The following C8A variants were observed in gnomAD, a reference collection of about 807,000 sequenced individuals.
The protein encoded by C8A is complement component C8 alpha chain.
C8A carries 67 observed loss-of-function variants against 65.3 expected under a neutral mutation model. The ratio of observed to expected loss-of-function variants is 1.03; its 90% CI spans 0.84 to 1.26. The LOEUF (loss-of-function observed/expected upper bound fraction) is 1.26. C8A is among the 50% of genes most tolerant of loss of function. The probability of loss-of-function intolerance (pLI) is 0.00; values close to 1 mark genes in which losing one functional copy is unlikely to be tolerated. For missense variants in C8A, 781 were observed against 723.9 expected (o/e 1.08, Z -0.90); for synonymous variants, 290 against 259.4 (o/e 1.12, Z -1.13).
chr1:56,874,833 C>G (rs1362924245), intron 2 of C8A, 116 bp from the exon 3 acceptor site: 1 of 1,113,872 alleles, frequency 9.0e-7, no homozygotes, highest in African/African-American at 1.5e-5. Context: ...GCTTCACAGG[C>G]AGGTCTCAAT....
At chr1:56,913,025 G>A (rs1741986) in intron 10 of C8A, among the ~76,000 whole-genome samples, 15,595 of 152,174 alleles carry the variant, frequency 0.1, 1,250 homozygotes, top group African/African-American at 0.22. Flanking sequence ...CCAGAGACTG[G>A]GGGAGTATGT....
At chr1:56,915,093 T>C (rs983020654) in intron 10 of C8A, among the ~76,000 whole-genome samples, 9 of 152,206 alleles carry the variant, frequency 5.9e-5, no homozygotes, top group African/African-American at 2.2e-4. Context: ...ACACTTGTGG[T>C]AGGCTGTATT....
rs1644480774 is a variant in C8A at position 56,908,096 on chromosome 1, GT to G, written c.1365del (p.Val456LeufsTer36). On this transcript the variant is annotated frameshift_variant, in exon 9 of 11. Coordinates refer to ENST00000361249, the MANE Select transcript of C8A (RefSeq NM_000562.3). LOFTEE classifies it high-confidence loss of function. ...GGGGAGGTCATTAAAGTATAATCCT[GT>G]TGTTATCGATTTTGAGGTAAGTCTT... ...SWGRSLKYNP[V>X]VIDFEMQPIH... 6.2e-7 allele frequency: 1 copy of G among 1,613,952 alleles called. No homozygotes were observed. Among genetic ancestry groups the G allele is most frequent in the South Asian group, 1.1e-5 (1 of 91,076 alleles).
At chr1:56,876,262 C>G (rs1302410277) in intron 4 of C8A, 53 bp downstream of exon 4, 2 of 1,607,920 alleles carry the variant, frequency 1.2e-6, no homozygotes. Flanking sequence ...TGTCTTCAAT[C>G]GTGAGCATTA....
chr1:56,908,645 C>A (rs1254606214), intron 9 of C8A, among the ~76,000 whole-genome samples: 1 of 152,206 alleles, frequency 6.6e-6, no homozygotes, highest in African/African-American at 2.4e-5. Flanking sequence ...TGGACCCAGG[C>A]TGCAATTTGC....
chr1:56,860,209 C>T lies in C8A; in HGVS notation c.77+5231C>T, dbSNP rs182720359. On this transcript the variant is annotated intron_variant, in intron 1 of 10. Transcript: ENST00000361249. ...GGCATTTAAACTGAGATGTGAAGGG[C>T]GGTAGTGAGAAGCCGGGTGAAGAGC... is the stretch of plus-strand genomic sequence containing the variant. Among the ~76,000 whole-genome samples the T allele has an allele frequency of 2.0e-3, 310 of 152,092 alleles. 1 individual carries two copies. Among genetic ancestry groups the T allele is most frequent in the African/African-American group, 7.3e-3 (301 of 41,490 alleles).
At chr1:56,896,224 TG>T (rs1230845024) in intron 7 of C8A, among the ~76,000 whole-genome samples, 1 of 152,120 alleles carries the variant, frequency 6.6e-6, no homozygotes, top group Non-Finnish European at 1.5e-5. Flanking sequence ...TTATATAAAA[TG>T]TATATATAAT....
chr1:56,916,719 T>A (rs1261700164), intron 10 of C8A, among the ~76,000 whole-genome samples: 7 of 152,098 alleles, frequency 4.6e-5, no homozygotes, highest in African/African-American at 7.2e-5. Flanking sequence ...AAAATGAAAT[T>A]GTGATGAAAA....
chr1:56,891,866 C>T (rs1452636692), intron 7 of C8A, among the ~76,000 whole-genome samples: 1 of 152,074 alleles, frequency 6.6e-6, no homozygotes, highest in Admixed American at 6.6e-5. Context: ...AATATACATA[C>T]ATATTTAAGT....
At chr1:56,881,728 T>G in intron 5 of C8A, 94 bp downstream of exon 5, 1 of 1,234,098 alleles carries the variant, frequency 8.1e-7, no homozygotes, top group East Asian at 2.4e-5. Flanking sequence ...TGGAAGCTTT[T>G]GTTTTCTATA....
Position 56,906,714 on chromosome 1 carries a change from A to C in C8A, c.1144A>C (p.Ile382Leu), listed in dbSNP as rs769355071. The C allele has an allele frequency of 6.2e-7, 1 of 1,614,074 alleles. No individual in the cohort carries two copies. The highest frequency in any genetic ancestry group is 2.2e-5 in the East Asian group (1 of 44,862). Residue 382 changes from isoleucine to leucine, a missense_variant, in exon 8 of 11, where the codon ATT (isoleucine) becomes CTT (leucine). Coordinates refer to ENST00000361249, the MANE Select transcript of C8A (RefSeq NM_000562.3). ...ITTCFGGSLG[I>L]QYEDKINVGG... The stretch of plus-strand genomic sequence containing the variant: ...GACATGTTTTGGAGGCTCCTTGGGC[A>C]TTCAATATGAAGACAAAATAAATGT...
intron 1 of C8A, among the ~76,000 whole-genome samples, chr1:56,857,762 G>A (rs1005953568): frequency 6.6e-6 from 1 of 151,646 alleles, no homozygotes; most frequent in Non-Finnish European, 1.5e-5. Flanking sequence ...TTCCAAGGTG[G>A]TATGGTTCTG....
At chr1:56,916,439 C>T (rs1382908532) in intron 10 of C8A, among the ~76,000 whole-genome samples, 1 of 152,146 alleles carries the variant, frequency 6.6e-6, no homozygotes, top group Non-Finnish European at 1.5e-5. Flanking sequence ...CCCAGTAAAC[C>T]TTTGCCTATG....
intron 6 of C8A, among the ~76,000 whole-genome samples, chr1:56,885,380 T>TTAAATATATATTTAAA (rs1268598819): frequency 1.1e-5 from 1 of 94,622 alleles, no homozygotes; most frequent in African/African-American, 3.7e-5. Flanking sequence ...TTATATTTAT[T>TTAAATATATATTTAAA]TAAATATATA....
intron 1 of C8A, among the ~76,000 whole-genome samples, chr1:56,858,878 T>C (rs534014641): frequency 3.3e-5 from 5 of 152,246 alleles, no homozygotes; most frequent in Admixed American, 6.5e-5. Context: ...GTAGTGGCTA[T>C]GGAAGTTGCG....
chr1:56,884,174 A>G (rs1644271517), intron 6 of C8A, among the ~76,000 whole-genome samples: 1 of 152,140 alleles, frequency 6.6e-6, no homozygotes. Context: ...ACATTGATCT[A>G]AGCTTAGATC....
At chr1:56,875,423 C>T (rs144916843) in intron 3 of C8A, among the ~76,000 whole-genome samples, 36 of 152,264 alleles carry the variant, frequency 2.4e-4, no homozygotes, top group African/African-American at 7.9e-4. Context: ...AAAAATAATG[C>T]ACCTTACCTT....
chr1:56,874,578 C>A (rs1414068732), intron 2 of C8A, among the ~76,000 whole-genome samples: 1 of 152,198 alleles, frequency 6.6e-6, no homozygotes. Context: ...ATTGCAACTT[C>A]ATATGCCAAG....
Position 56,917,660 on chromosome 1 carries a change from C to T in C8A, c.1699C>T (p.Pro567Ser), listed in dbSNP as rs373266278. The T allele has an allele frequency of 4.3e-6, 7 of 1,614,186 alleles. No individual in the cohort carries two copies. Among genetic ancestry groups the T allele is most frequent in the South Asian group, 1.1e-5 (1 of 91,084 alleles). Residue 567 changes from proline to serine, a missense_variant, in exon 11 of 11, where the codon CCT (proline) becomes TCT (serine). By Grantham distance (74) the Pro-to-Ser change is moderately conservative. Coordinates refer to ENST00000361249, the MANE Select transcript of C8A (RefSeq NM_000562.3). ...GAGAAGAGAGTGTGACAATCCAGCA[C>T]CTCAGAATGGAGGGGCCTCGTGTCC... is the stretch of plus-strand genomic sequence containing the variant. ...ERRRECDNPA[P>S]QNGGASCPGR... is the part of the protein sequence containing the mutation.
Sources: allele counts gnomAD v4.1 joint callset (sites outside exome capture counted in the v4.1 genomes callset), GRCh38; gene constraint gnomAD v4.1.1; transcripts MANE v1.5; gene names NCBI Gene and HGNC (gene_info 2026-07-23, HGNC 2026-07-21).